Variants in BARD1 observed in about 807,000 individuals in gnomAD.
The protein encoded by BARD1 is BRCA1-associated RING domain protein 1.
Under a neutral mutation model 77.0 loss-of-function variants are expected in BARD1, and 73 were observed. The observed-to-expected ratio is 0.95, with a 90% CI of 0.79 to 1.15. The LOEUF (loss-of-function observed/expected upper bound fraction) is 1.15, where lower values mean the gene tolerates loss of function less well. BARD1 is among the 50% of genes most tolerant of loss of function. BARD1 has a pLI of 0.00. For synonymous variants in BARD1, 384 were observed against 338.0 expected, an observed-to-expected ratio of 1.14 and a Z score of -1.49; for missense variants, 993 against 938.8, an observed-to-expected ratio of 1.06 and a Z score of -0.75.
chr2:214,762,909 T>A (rs1006516775), intron 6 of BARD1, among the ~76,000 whole-genome samples: 1 of 129,178 alleles, frequency 7.7e-6, no homozygotes, highest in Admixed American at 9.3e-5. Context: ...CTACTGTCAC[T>A]ACTTTGATTT....
At chr2:214,759,274 T>C (rs1693837622) in intron 6 of BARD1, among the ~76,000 whole-genome samples, 1 of 152,088 alleles carries the variant, frequency 6.6e-6, no homozygotes, top group Non-Finnish European at 1.5e-5. Context: ...TACCACATTC[T>C]AAAATCCTAC....
intron 4 of BARD1, among the ~76,000 whole-genome samples, chr2:214,777,135 G>A (rs1694769680): frequency 6.6e-6 from 1 of 152,130 alleles, no homozygotes; most frequent in Admixed American, 6.5e-5. Context: ...CTAGACTTCA[G>A]GTGTACAGAA....
At position 214,732,397 on chromosome 2, in the gene BARD1, C is replaced by CT. The variant is rs573147676; in HGVS notation, c.1904-1890dup. On this transcript the variant is annotated intron_variant, in intron 9 of 10. Transcript: ENST00000260947. Reference sequence around the variant, plus strand: ...TTTTGACCTATGATGATTTTTTTTTCTTTTTTTTTTTTTTCTGAGACAGAG... The same window carrying CT: ...TTTTGACCTATGATGATTTTTTTTTCTTTTTTTTTTTTTTTCTGAGACAGAG... Among the ~76,000 whole-genome samples, 1,032 of 141,938 alleles carry CT rather than the reference C, an allele frequency of 7.3e-3. 12 individuals carry two copies. Among genetic ancestry groups the CT allele is most frequent in the South Asian group, 0.056 (250 of 4,476 alleles). 93.1% of individuals were successfully genotyped at this position (141,938 alleles called of 152,430 possible).
At chr2:214,778,179 G>A (rs1223432518) in intron 4 of BARD1, among the ~76,000 whole-genome samples, 1 of 151,696 alleles carries the variant, frequency 6.6e-6, no homozygotes, top group African/African-American at 2.4e-5. Flanking sequence ...CTGGGTGACA[G>A]GGCAAGACTC....
chr2:214,797,119 T>G lies in BARD1; in HGVS notation c.159-2A>C, dbSNP rs1424761304. 6.2e-7 allele frequency: 1 copy of G among 1,612,034 alleles called. No individual in the cohort carries two copies. The highest frequency in any genetic ancestry group is 2.2e-5 in the East Asian group (1 of 44,768). On this transcript the variant is annotated splice_acceptor_variant, in intron 1 of 10. Transcript: ENST00000260947. LOFTEE classifies it high-confidence loss of function. ...ACAGGCTCTCTCAGAATGTTAGTAC[T>G]GTTTGAAGAAATTAAAACAATCAAG...
intron 1 of BARD1, among the ~76,000 whole-genome samples, chr2:214,804,440 A>C (rs1349250921): frequency 1.3e-5 from 2 of 152,252 alleles, no homozygotes; most frequent in Non-Finnish European, 2.9e-5. Context: ...AAGGAGACAG[A>C]CATCACTCAA....
At chr2:214,780,421 C>T (rs1694928910) in intron 4 of BARD1, 139 bp downstream of exon 4, 1 of 766,346 alleles carries the variant, frequency 1.3e-6, no homozygotes, top group South Asian at 1.6e-5. Flanking sequence ...ATGAATCTGG[C>T]TTCTCTGGTT....
intron 10 of BARD1, 50 bp downstream of exon 10, chr2:214,730,360 TA>T (rs769934362): frequency 6.7e-7 from 1 of 1,492,814 alleles, no homozygotes; most frequent in Admixed American, 1.7e-5. Context: ...ATGGTGATAA[TA>T]ATAGTATGTC....
rs1366769110 is a variant in BARD1, at chr2:214,781,000, T to C, written c.874A>G (p.Lys292Glu). ...LAEQIESPDTKSRNEVVTPEK... is the reference protein window; with the variant it reads ...LAEQIESPDTESRNEVVTPEK... ...GGAGTCACTACTTCATTCCTGCTCT[T>C]AGTGTCTGGAGACTCTATTTGCTCA... Residue 292 changes from lysine (K) to glutamate (E), a missense_variant, in exon 4 of 11, where the codon AAG (lysine) becomes GAG (glutamate). By Grantham distance (56) the Lys-to-Glu change is moderately conservative. Transcript: ENST00000260947. 8 of 1,613,222 alleles carry C rather than the reference T, an allele frequency of 5.0e-6. No homozygotes were observed. Among genetic ancestry groups the C allele is most frequent in the Non-Finnish European group, 4.2e-6 (5 of 1,179,516 alleles).
chr2:214,804,116 G>A (rs1463792196), intron 1 of BARD1, among the ~76,000 whole-genome samples: 1 of 152,190 alleles, frequency 6.6e-6, no homozygotes, highest in African/African-American at 2.4e-5. Flanking sequence ...ATTTTAACGT[G>A]TGGACCAACA....
intron 6 of BARD1, among the ~76,000 whole-genome samples, chr2:214,758,213 A>C (rs1693788944): frequency 6.6e-6 from 1 of 152,110 alleles, no homozygotes; most frequent in African/African-American, 2.4e-5. Flanking sequence ...TGCCACTCAA[A>C]AGTCTTATGA....
At chr2:214,747,775 G>T (rs1403408401) in intron 7 of BARD1, among the ~76,000 whole-genome samples, 1 of 150,326 alleles carries the variant, frequency 6.7e-6, no homozygotes, top group Non-Finnish European at 1.5e-5. Flanking sequence ...GTTAATGGGT[G>T]CAGCACACCA....
chr2:214,789,997 AG>A (rs1395779950), intron 3 of BARD1, among the ~76,000 whole-genome samples: 1 of 152,174 alleles, frequency 6.6e-6, no homozygotes, highest in Non-Finnish European at 1.5e-5. Flanking sequence ...GCATTCTTAA[AG>A]GCCTCAGAAA....
chr2:214,731,825 G>A (rs1692369380), intron 9 of BARD1, among the ~76,000 whole-genome samples: 1 of 152,216 alleles, frequency 6.6e-6, no homozygotes, highest in Non-Finnish European at 1.5e-5. Flanking sequence ...TATCGGGAAA[G>A]TTGGAACAAT....
At chr2:214,806,162 A>C (rs1331685597) in intron 1 of BARD1, among the ~76,000 whole-genome samples, 1 of 152,196 alleles carries the variant, frequency 6.6e-6, no homozygotes, top group African/African-American at 2.4e-5. Flanking sequence ...ATTCATGTTA[A>C]AGGTCAAGAA....
At chr2:214,764,796 G>A (rs1216132010) in intron 6 of BARD1, among the ~76,000 whole-genome samples, 4 of 152,174 alleles carry the variant, frequency 2.6e-5, no homozygotes, top group African/African-American at 7.2e-5. Context: ...GAACAGTCAG[G>A]AAATTTGTAA....
intron 5 of BARD1, among the ~76,000 whole-genome samples, chr2:214,768,071 A>T (rs1353051820): frequency 2.0e-5 from 3 of 152,200 alleles, no homozygotes; most frequent in Non-Finnish European, 4.4e-5. Context: ...TCCGTGAAGG[A>T]ATGCTTTTAA....
chr2:214,745,513 T>C (rs985968986), intron 8 of BARD1, among the ~76,000 whole-genome samples: 3 of 152,220 alleles, frequency 2.0e-5, no homozygotes, highest in African/African-American at 7.2e-5. Flanking sequence ...CTAAAATATA[T>C]GCAAACCTTT....
intron 3 of BARD1, among the ~76,000 whole-genome samples, chr2:214,786,948 T>C (rs185677063): frequency 3.5e-3 from 526 of 152,106 alleles, no homozygotes; most frequent in African/African-American, 0.012. Context: ...TCACTTCTGA[T>C]ATAATCTCAA....
Sources: gnomAD v4.1 joint callset for allele counts (sites outside exome capture counted in the v4.1 genomes callset) on GRCh38, gnomAD v4.1.1 for gene constraint, MANE v1.5 for transcripts, NCBI Gene and HGNC (gene_info 2026-07-23, HGNC 2026-07-21) for gene names.